UTP20: variants seen among roughly 807,000 people sequenced by gnomAD.
The protein encoded by UTP20 is UTP20 small subunit processome component.
Under a neutral mutation model 329.5 loss-of-function variants are expected in UTP20, and 164 were observed. That is an observed-to-expected ratio of 0.50 (90% CI 0.44 to 0.57). UTP20 has a LOEUF of 0.57. UTP20 is among the 20% of genes least tolerant of loss of function. The probability of loss-of-function intolerance (pLI) is 0.00; values close to 1 mark genes in which losing one functional copy is unlikely to be tolerated. For synonymous variants in UTP20, 1,151 were observed against 1,159.3 expected, an observed-to-expected ratio of 0.99 and a Z score of 0.14; for missense variants, 3,055 against 3,284.2, an observed-to-expected ratio of 0.93 and a Z score of 1.71.
intron 11 of UTP20, among the ~76,000 whole-genome samples, chr12:101,293,633 C>G (rs1374766435): frequency 6.6e-6 from 1 of 152,042 alleles, no homozygotes; most frequent in African/African-American, 2.4e-5. Flanking sequence ...ATTTTTTTCT[C>G]TTCCTTCTCA....
intron 60 of UTP20, among the ~76,000 whole-genome samples, chr12:101,383,873 A>G (rs1870744120): frequency 6.6e-6 from 1 of 150,964 alleles, no homozygotes; most frequent in South Asian, 2.1e-4. Context: ...CATTTAAAAA[A>G]GAGAGAGAGA....
intron 54 of UTP20, 110 bp downstream of exon 54, chr12:101,373,877 T>A: frequency 8.1e-7 from 1 of 1,231,066 alleles, no homozygotes; most frequent in African/African-American, 1.5e-5. Flanking sequence ...TCCCAAATAG[T>A]GTTATTTTTG....
chr12:101,346,138 G>T (rs563159715), intron 37 of UTP20, among the ~76,000 whole-genome samples: 6 of 151,732 alleles, frequency 4.0e-5, no homozygotes, highest in Non-Finnish European at 5.9e-5. Flanking sequence ...TGTAACCTCC[G>T]CCTCCAGGGT....
chr12:101,314,907 C>A (rs1231002710), intron 21 of UTP20, among the ~76,000 whole-genome samples: 1 of 151,010 alleles, frequency 6.6e-6, no homozygotes, highest in African/African-American at 2.4e-5. Flanking sequence ...TCGAGACCAG[C>A]CTAGTGAAAT....
chr12:101,346,812 C>T (rs750590428), intron 38 of UTP20, among the ~76,000 whole-genome samples: 3 of 152,138 alleles, frequency 2.0e-5, no homozygotes, highest in Non-Finnish European at 2.9e-5. Flanking sequence ...AGGCCGAGCG[C>T]AAAATATTCT....
intron 21 of UTP20, among the ~76,000 whole-genome samples, chr12:101,315,245 G>A (rs557311322): frequency 9.9e-5 from 15 of 151,972 alleles, no homozygotes; most frequent in Middle Eastern, 3.5e-3. Context: ...CAGCACTTTG[G>A]GGGGCCGAGG....
Position 101,319,586 on chromosome 12 carries a change from A to G in UTP20, c.2780A>G (p.Asn927Ser), listed in dbSNP as rs1565792754. The stretch of plus-strand genomic sequence containing the variant: ...TTGCAAGTTTTCTCTAAATTTTCAA[A>G]TCCACGGGCCTTATATCTGGAATCC... ...AHLQVFSKFS[N>S]PRALYLESKL... is the part of the protein sequence containing the mutation. Residue 927 changes from asparagine to serine, a missense_variant, in exon 23 of 62, where the codon AAT (asparagine) becomes AGT (serine). Physicochemically the swap from Asn to Ser is conservative, Grantham distance 46 (BLOSUM62 1). Transcript: ENST00000261637. The G allele has an allele frequency of 6.2e-7, 1 of 1,608,356 alleles. No homozygotes were observed.
intron 11 of UTP20, among the ~76,000 whole-genome samples, 171 bp downstream of exon 11, chr12:101,293,416 GT>G (rs1037570308): frequency 6.6e-6 from 1 of 152,146 alleles, no homozygotes; most frequent in South Asian, 2.1e-4. Flanking sequence ...TAGATTACTT[GT>G]TTTTTTAATA....
intron 37 of UTP20, 151 bp from the exon 38 acceptor site, chr12:101,346,300 C>A: frequency 1.2e-6 from 1 of 816,986 alleles, no homozygotes; most frequent in Non-Finnish European, 1.8e-6. Flanking sequence ...ATCTGCCCAT[C>A]TCGGCCTCCC....
At chr12:101,335,648 A>G (rs1868909398) in intron 29 of UTP20, among the ~76,000 whole-genome samples, 1 of 152,198 alleles carries the variant, frequency 6.6e-6, no homozygotes, top group Non-Finnish European at 1.5e-5. Flanking sequence ...TGATTCAGTG[A>G]TGTTAAAATC....
intron 3 of UTP20, 39 bp downstream of exon 3, chr12:101,285,675 T>G (rs774565901): frequency 3.7e-6 from 6 of 1,613,556 alleles, no homozygotes; most frequent in Admixed American, 1.7e-5. Context: ...CACCCATAGT[T>G]TGCACTTTAT....
At chr12:101,282,463 GT>G (rs34185612) in intron 2 of UTP20, among the ~76,000 whole-genome samples, 78,900 of 150,670 alleles carry the variant, frequency 0.52, 21,388 homozygotes, top group Non-Finnish European at 0.58. Flanking sequence ...TGTATAGGGT[GT>G]TTTTTTTTTG....
intron 28 of UTP20, among the ~76,000 whole-genome samples, chr12:101,333,996 G>A (rs867969266): frequency 6.6e-6 from 1 of 152,260 alleles, no homozygotes; most frequent in East Asian, 1.9e-4. Flanking sequence ...CTCACATAGC[G>A]TTGCCTCTGG....
intron 48 of UTP20, among the ~76,000 whole-genome samples, chr12:101,368,980 G>A (rs896382172): frequency 1.3e-5 from 2 of 152,170 alleles, no homozygotes; most frequent in African/African-American, 4.8e-5. Flanking sequence ...GCTGATCCCG[G>A]TGCTTTCAAA....
In UTP20 at chr12:101,383,038, A is replaced by T. The variant is rs1253122979; in HGVS notation, c.7657-3A>T. ...TCTTCCCCCACCCCGTTTTTTTTTAAAGGTTGTTAAGAATTTGTTGTTCGC... is the reference window on the plus strand; with the variant it reads ...TCTTCCCCCACCCCGTTTTTTTTTATAGGTTGTTAAGAATTTGTTGTTCGC... On this transcript the variant is annotated splice_polypyrimidine_tract_variant and splice_region_variant and intron_variant, in intron 58 of 61. Coordinates refer to ENST00000261637, the MANE Select transcript of UTP20 (RefSeq NM_014503.3). 1 of 1,579,144 alleles carries T rather than the reference A, an allele frequency of 6.3e-7. No individual in the cohort carries two copies. The highest frequency in any genetic ancestry group is 2.0e-5 in the Admixed American group (1 of 51,182).
chr12:101,343,582 T>C (rs1869221318), intron 35 of UTP20, among the ~76,000 whole-genome samples: 1 of 152,114 alleles, frequency 6.6e-6, no homozygotes, highest in African/African-American at 2.4e-5. Flanking sequence ...GTGATCTTGG[T>C]TCACTGCAGC....
chr12:101,358,537 G>T (rs955420520), intron 43 of UTP20, among the ~76,000 whole-genome samples: 1 of 152,144 alleles, frequency 6.6e-6, no homozygotes, highest in African/African-American at 2.4e-5. Flanking sequence ...GTGTCCTTTA[G>T]CAATGTGGTG....
At chr12:101,281,950 G>A (rs1398280575) in intron 2 of UTP20, among the ~76,000 whole-genome samples, 2 of 152,068 alleles carry the variant, frequency 1.3e-5, no homozygotes, top group Non-Finnish European at 1.5e-5. Context: ...TGATCTGCTC[G>A]CCTTGGCCTC....
In UTP20 at chr12:101,373,469, A is replaced by C. The variant is rs759112591; in HGVS notation, c.6947A>C (p.Gln2316Pro). The C allele has an allele frequency of 6.2e-7, 1 of 1,614,034 alleles. No homozygotes were observed. The highest frequency in any genetic ancestry group is 2.2e-5 in the East Asian group (1 of 44,898). The change falls in exon 53 of 62, where the codon CAG becomes CCG. Residue 2316 changes from glutamine (Q) to proline (P), a missense_variant and splice_region_variant. Physicochemically the swap from Gln to Pro is moderately conservative, Grantham distance 76 (BLOSUM62 -1). This residue lies in a region of UTP20 where 273 missense variants were observed against 363.1 expected (regional missense o/e 0.75). Transcript: ENST00000261637. ...GCCTATCTCTTTGACACGTTCCCTC[A>C]GGTACTGTGACCCCAGAGATAAGCC... ...MIAYLFDTFP[Q>P]GLLHENCGMF... is the part of the protein sequence containing the mutation.
Sources: gnomAD v4.1 joint callset for allele counts (sites outside exome capture counted in the v4.1 genomes callset) on GRCh38, gnomAD v4.1.1 for gene constraint, gnomAD v4.1.1 regional missense constraint, MANE v1.5 for transcripts, NCBI Gene and HGNC (gene_info 2026-07-23, HGNC 2026-07-21) for gene names.